The following ARL3 variants were observed in gnomAD, a reference collection of about 807,000 sequenced individuals.
ARL3 encodes ARF like GTPase 3.
ARL3 carries 9 observed loss-of-function variants against 26.0 expected under a neutral mutation model. The observed-to-expected ratio is 0.35, with a 90% CI of 0.21 to 0.60. ARL3 has a LOEUF of 0.60. Among genes scored for constraint, ARL3 ranks in the 20% least tolerant of loss-of-function variants. The pLI is 0.78. For synonymous variants in ARL3, 71 were observed against 78.4 expected (o/e 0.91, Z 0.50); for missense variants, 158 against 215.7 (o/e 0.73, Z 1.67).
intron 2 of ARL3, among the ~76,000 whole-genome samples, chr10:102,704,997 C>T (rs1483368383): frequency 6.6e-6 from 1 of 152,136 alleles, no homozygotes; most frequent in Non-Finnish European, 1.5e-5. Context: ...TTAAAGTGTA[C>T]AGTTCCATGG....
At chr10:102,697,046 A>G (rs575829072) in intron 3 of ARL3, among the ~76,000 whole-genome samples, 2 of 152,204 alleles carry the variant, frequency 1.3e-5, no homozygotes, top group Non-Finnish European at 2.9e-5. Flanking sequence ...ACAAACCTGT[A>G]CACGAAGTTA....
At chr10:102,686,581 C>T (rs766351347) in intron 4 of ARL3, among the ~76,000 whole-genome samples, 6 of 151,042 alleles carry the variant, frequency 4.0e-5, no homozygotes, top group Non-Finnish European at 8.8e-5. Context: ...TCTCACCCCT[C>T]AGCCTCCTGA....
chr10:102,698,725 C>T (rs1031238178), intron 3 of ARL3, among the ~76,000 whole-genome samples: 6 of 152,190 alleles, frequency 3.9e-5, no homozygotes, highest in African/African-American at 1.4e-4. Context: ...ATCTCGGCCT[C>T]CACTTGAATG....
At chr10:102,686,466 CT>C (rs549382825) in intron 4 of ARL3, among the ~76,000 whole-genome samples, 281 of 123,952 alleles carry the variant, frequency 2.3e-3, no homozygotes, top group Non-Finnish European at 2.5e-3. Context: ...TTTTTTCTTT[CT>C]TTTTTTTTTT....
chr10:102,713,020 T>C (rs11191377), intron 1 of ARL3, among the ~76,000 whole-genome samples: 38,827 of 150,238 alleles, frequency 0.26, 5,281 homozygotes, highest in Middle Eastern at 0.36. Flanking sequence ...TTTCTAAATC[T>C]ACTCACTGGA....
intron 5 of ARL3, 94 bp from the exon 6 acceptor site, chr10:102,677,035 C>T (rs2064134024): frequency 1.4e-6 from 2 of 1,410,840 alleles, no homozygotes; most frequent in African/African-American, 1.4e-5. Context: ...GGTCCCAGGC[C>T]CTCCCTCCCA....
intron 2 of ARL3, among the ~76,000 whole-genome samples, chr10:102,700,062 G>A (rs896308325): frequency 6.6e-6 from 1 of 152,180 alleles, no homozygotes; most frequent in Admixed American, 6.5e-5. Context: ...AGCCCAGTAG[G>A]GAGGTGGAGC....
chr10:102,704,322 A>G (rs1039993346), intron 2 of ARL3, among the ~76,000 whole-genome samples: 90 of 152,018 alleles, frequency 5.9e-4, no homozygotes, highest in Non-Finnish European at 1.1e-3. Flanking sequence ...TACTTTCATA[A>G]TCAGAGAAGA....
rs755208642 is a variant in ARL3, at chr10:102,699,381, C to T, written c.256G>A (p.Asp86Asn). 54 of 1,581,296 alleles carry T rather than the reference C, an allele frequency of 3.4e-5. No individual in the cohort carries two copies. The South Asian group carries it at 4.1e-4, about 12-fold the overall frequency. The change falls in exon 3 of 6, where the codon GAT becomes AAT. Residue 86 changes from aspartate to asparagine, a missense_variant. Transcript: ENST00000260746. ...PYWKNYFENT[D>N]ILIYVIDSAD... is the part of the protein sequence containing the mutation. ...TCAGAAGGAGTACTTACAAGAATATCGGTATTTTCAAAATAATTCTTCCAG... is the reference window on the plus strand; with the variant it reads ...TCAGAAGGAGTACTTACAAGAATATTGGTATTTTCAAAATAATTCTTCCAG...
At chr10:102,687,558 G>T (rs1057197100) in intron 4 of ARL3, among the ~76,000 whole-genome samples, 4 of 151,966 alleles carry the variant, frequency 2.6e-5, no homozygotes, top group Non-Finnish European at 5.9e-5. Flanking sequence ...CATGGTGGTG[G>T]GCACATGTAG....
chr10:102,696,771 A>G (rs2064250712), intron 3 of ARL3, among the ~76,000 whole-genome samples: 1 of 152,198 alleles, frequency 6.6e-6, no homozygotes, highest in African/African-American at 2.4e-5. Flanking sequence ...GACTGTGGGA[A>G]GAGTAGGGTT....
chr10:102,704,151 CA>C (rs56326932), intron 2 of ARL3, among the ~76,000 whole-genome samples: 717 of 46,092 alleles, frequency 0.016, 1 homozygote, highest in African/African-American at 0.057. Context: ...ACTCTGTCTC[CA>C]AAAAAAAAAA....
chr10:102,676,185 C>T lies in ARL3; in HGVS notation c.*709G>A, dbSNP rs2064129662. ...TCAAAAGTCATAAGAATTTGCTTCT[C>T]TGTGTGGCTGGCTGGGGCAGAGGCA... On this transcript the variant is annotated 3_prime_UTR_variant, in exon 6 of 6. Transcript: ENST00000260746. 8.7e-6 allele frequency: 1 copy of T among 115,572 alleles called. No homozygotes were observed. Among genetic ancestry groups the T allele is most frequent in the South Asian group, 2.9e-4 (1 of 3,432 alleles). The allele number at this position is 115,572 out of a possible 1,614,324, so 7.2% of individuals were successfully genotyped here.
chr10:102,704,677 A>G (rs2064298782), intron 2 of ARL3, among the ~76,000 whole-genome samples: 1 of 152,186 alleles, frequency 6.6e-6, no homozygotes. Context: ...ATAAAAATAA[A>G]AAGAATATAG....
intron 3 of ARL3, 27 bp downstream of exon 3, chr10:102,699,346 A>G: frequency 7.4e-7 from 1 of 1,355,870 alleles, no homozygotes; most frequent in Non-Finnish European, 1.1e-6. Context: ...AAATACTATG[A>G]ATTAGTGCGT....
intron 5 of ARL3, among the ~76,000 whole-genome samples, chr10:102,682,156 C>T (rs2064158645): frequency 6.6e-6 from 1 of 152,186 alleles, no homozygotes. Flanking sequence ...CCCTCCCAGA[C>T]ATTTTTCAGT....
chr10:102,690,933 C>T (rs1413184784), intron 3 of ARL3, among the ~76,000 whole-genome samples: 1 of 146,402 alleles, frequency 6.8e-6, no homozygotes, highest in Non-Finnish European at 1.5e-5. Context: ...GTTACCCAGG[C>T]TGGTCTCAGA....
chr10:102,699,771 G>A (rs572006581), intron 2 of ARL3, among the ~76,000 whole-genome samples: 2 of 152,206 alleles, frequency 1.3e-5, no homozygotes, highest in South Asian at 4.1e-4. Flanking sequence ...AACTCCAAAT[G>A]AGAATAGCTC....
intron 1 of ARL3, among the ~76,000 whole-genome samples, chr10:102,710,843 C>T (rs1166285824): frequency 1.3e-5 from 2 of 152,342 alleles, no homozygotes; most frequent in South Asian, 2.1e-4. Context: ...CTATGGACTA[C>T]AGACGTTTTA....
Sources: gnomAD v4.1 joint callset for allele counts (sites outside exome capture counted in the v4.1 genomes callset) on GRCh38, gnomAD v4.1.1 for gene constraint, MANE v1.5 for transcripts, NCBI Gene and HGNC (gene_info 2026-07-23, HGNC 2026-07-21) for gene names.